The following UHRF1 variants were observed in gnomAD, a reference collection of about 807,000 sequenced individuals.
UHRF1 encodes E3 ubiquitin-protein ligase UHRF1.
UHRF1 carries 9 observed loss-of-function variants against 96.5 expected under a neutral mutation model. That is an observed-to-expected ratio of 0.09 (90% CI 0.06 to 0.16). UHRF1 has a LOEUF of 0.16. UHRF1 is among the 10% of genes least tolerant of loss of function. The pLI is 1.00. For synonymous variants in UHRF1, 455 were observed against 469.9 expected (o/e 0.97, Z 0.41); for missense variants, 626 against 1,131.1 (o/e 0.55, Z 6.40).
rs2033868621 is a variant in UHRF1 at position 4,956,816 on chromosome 19, G to C, written c.2235+3G>C. The C allele has an allele frequency of 6.2e-7, 1 of 1,602,532 alleles. No individual in the cohort carries two copies. Among genetic ancestry groups the C allele is most frequent in the African/African-American group, 1.3e-5 (1 of 74,780 alleles). On this transcript the variant is annotated splice_donor_region_variant and intron_variant, in intron 16 of 16. Transcript: ENST00000650932. ...TGTGCCAGCACAACGTGTGCAAGGT[G>C]AGTAGAGATGGCCGCGGGAGCCGGG...
intron 5 of UHRF1, among the ~76,000 whole-genome samples, chr19:4,941,268 T>C (rs987013265): frequency 6.6e-6 from 1 of 151,448 alleles, no homozygotes; most frequent in Non-Finnish European, 1.5e-5. Flanking sequence ...TTTTTGTATT[T>C]TCAGTGGAGG....
At chr19:4,914,219 G>A (rs1490773615) in intron 2 of UHRF1, among the ~76,000 whole-genome samples, 1 of 152,154 alleles carries the variant, frequency 6.6e-6, no homozygotes, top group Non-Finnish European at 1.5e-5. Context: ...GGCTGGGAAA[G>A]TGAGCTGGCA....
chr19:4,941,668 G>A, intron 6 of UHRF1, 40 bp downstream of exon 6: 1 of 1,590,184 alleles, frequency 6.3e-7, no homozygotes, highest in Non-Finnish European at 8.6e-7. Context: ...TCCGCGGTGG[G>A]CACGGGGCGG....
chr19:4,921,689 C>G (rs1329324434), intron 2 of UHRF1, among the ~76,000 whole-genome samples: 3 of 147,398 alleles, frequency 2.0e-5, no homozygotes, highest in South Asian at 2.2e-4. Context: ...CCCAGGAGGT[C>G]GAGGTTGCAG....
intron 11 of UHRF1, 26 bp from the exon 12 acceptor site, chr19:4,950,585 G>T (rs1272268538): frequency 6.2e-6 from 10 of 1,605,792 alleles, no homozygotes; most frequent in Non-Finnish European, 7.6e-6. Flanking sequence ...CACCTATAAT[G>T]CGTGGGGTCC....
upstream of UHRF1, among the ~76,000 whole-genome samples, chr19:4,907,704 C>CTTTTTTTTTTTTTTTTTTTTTTTTT (rs59867968): frequency 2.1e-5 from 1 of 47,670 alleles, no homozygotes; most frequent in Non-Finnish European, 3.6e-5. Context: ...TTGGCCTGAT[C>CTTTTTTTTTTTTTTTTTTTTTTTTT]TTTTTTTTTT....
chr19:4,931,209 A>G (rs186195635), intron 4 of UHRF1, among the ~76,000 whole-genome samples: 2 of 152,274 alleles, frequency 1.3e-5, no homozygotes, highest in Admixed American at 1.3e-4. Flanking sequence ...GTCTTTGCAC[A>G]AGTGTTTACT....
intron 16 of UHRF1, among the ~76,000 whole-genome samples, chr19:4,957,946 A>G (rs169081): frequency 0.87 from 132,449 of 152,258 alleles, 57,757 homozygotes; most frequent in Non-Finnish European, 0.9. Context: ...CTGCCACCCC[A>G]CGGATCTCCC....
At chr19:4,913,587 C>T (rs570187385) in intron 2 of UHRF1, among the ~76,000 whole-genome samples, 12 of 152,014 alleles carry the variant, frequency 7.9e-5, no homozygotes, top group South Asian at 2.1e-4. Context: ...TCAGGATGTC[C>T]GCAGTGATGA....
chr19:4,926,852 C>T (rs1320338776), intron 2 of UHRF1, among the ~76,000 whole-genome samples: 2 of 151,904 alleles, frequency 1.3e-5, no homozygotes, highest in Non-Finnish European at 1.5e-5. Flanking sequence ...ATCACGAGGT[C>T]AGGAGATCGA....
At chr19:4,959,332 A>G (rs1244239024) in intron 16 of UHRF1, among the ~76,000 whole-genome samples, 4 of 152,146 alleles carry the variant, frequency 2.6e-5, no homozygotes, top group Non-Finnish European at 1.5e-5. Flanking sequence ...TCTATCTTAA[A>G]AAAAAACAAC....
chr19:4,947,490 C>CTTTTTTTTTTTTTTTTT lies in UHRF1; in HGVS notation c.1517+292_1517+308dup, dbSNP rs985069179. Among the ~76,000 whole-genome samples, 25 of 57,888 alleles carry CTTTTTTTTTTTTTTTTT rather than the reference C, an allele frequency of 4.3e-4. 4 individuals are homozygous for CTTTTTTTTTTTTTTTTT. Among genetic ancestry groups the CTTTTTTTTTTTTTTTTT allele is most frequent in the Admixed American group, 5.4e-4 (2 of 3,714 alleles). 38.0% of individuals were successfully genotyped at this position (57,888 alleles called of 152,430 possible). On this transcript the variant is annotated intron_variant, in intron 11 of 16. Transcript: ENST00000650932. Reference sequence around the variant, plus strand: ...CTATAAAAGGCCAGATAATAGATATCTTTTTTTTTTTTTTTTTTTTTTTTT... The same window carrying CTTTTTTTTTTTTTTTTT: ...CTATAAAAGGCCAGATAATAGATATCTTTTTTTTTTTTTTTTTTTTTTTTTTTTTTTTTTTTTTTTTT...
At chr19:4,953,559 G>A (rs2145210324) in intron 13 of UHRF1, among the ~76,000 whole-genome samples, 1 of 152,088 alleles carries the variant, frequency 6.6e-6, no homozygotes, top group South Asian at 2.1e-4. Flanking sequence ...AAACTCCTGG[G>A]CTCAAGTGAT....
At chr19:4,939,820 C>A (rs2602719) in intron 5 of UHRF1, among the ~76,000 whole-genome samples, 1 of 152,060 alleles carries the variant, frequency 6.6e-6, no homozygotes, top group African/African-American at 2.4e-5. Context: ...GTCAGGAGAT[C>A]GAGACCATCC....
At chr19:4,908,025 T>C (rs1462488167), upstream of UHRF1, among the ~76,000 whole-genome samples, 1 of 152,180 alleles carries the variant, frequency 6.6e-6, no homozygotes, top group Non-Finnish European at 1.5e-5. Context: ...GGCCTGATCA[T>C]TGTAAAGCCT....
intron 2 of UHRF1, among the ~76,000 whole-genome samples, chr19:4,915,272 A>T (rs1035677927): frequency 2.0e-5 from 3 of 152,154 alleles, no homozygotes. Context: ...GCTCCCACCC[A>T]CTGCGGCATC....
At chr19:4,904,499 G>C (rs956270068) in intron 1 of UHRF1, among the ~76,000 whole-genome samples, 3 of 152,034 alleles carry the variant, frequency 2.0e-5, no homozygotes, top group Non-Finnish European at 4.4e-5. Context: ...ATTTTTAGTA[G>C]AGACAGGGTT....
intron 9 of UHRF1, 72 bp downstream of exon 9, chr19:4,944,522 GCTTT>G: frequency 6.4e-7 from 1 of 1,551,092 alleles, no homozygotes. Context: ...GTTTCTCCTG[GCTTT>G]GGCCAGCCAG....
chr19:4,920,752 C>G (rs1021343699), intron 2 of UHRF1, among the ~76,000 whole-genome samples: 3 of 152,156 alleles, frequency 2.0e-5, no homozygotes, highest in Non-Finnish European at 2.9e-5. Context: ...TTACAGATGC[C>G]ATAACTATAA....
Sources: gnomAD v4.1 joint callset for allele counts (sites outside exome capture counted in the v4.1 genomes callset) on GRCh38, gnomAD v4.1.1 for gene constraint, MANE v1.5 for transcripts, NCBI Gene and HGNC (gene_info 2026-07-23, HGNC 2026-07-21) for gene names.